Variants in MCCC2 observed in about 807,000 individuals in gnomAD.
MCCC2 encodes the protein methylcrotonoyl-CoA carboxylase beta chain, mitochondrial.
In MCCC2, 52 loss-of-function variants were observed where a neutral mutation model predicts 77.2. That is an observed-to-expected ratio of 0.67 (90% CI 0.54 to 0.85). The LOEUF (loss-of-function observed/expected upper bound fraction) is 0.85. Among genes scored for constraint, MCCC2 ranks in the 40% least tolerant of loss-of-function variants. MCCC2 has a pLI of 0.00. For missense variants in MCCC2, 682 were observed against 703.2 expected (o/e 0.97, Z 0.34); for synonymous variants, 253 against 248.4 (o/e 1.02, Z -0.18).
intron 7 of MCCC2, among the ~76,000 whole-genome samples, chr5:71,630,298 T>C (rs1383001881): frequency 6.6e-6 from 1 of 152,190 alleles, no homozygotes; most frequent in African/African-American, 2.4e-5. Context: ...AAAAAACAGA[T>C]AGTAAGACAA....
intron 6 of MCCC2, among the ~76,000 whole-genome samples, chr5:71,613,265 A>G (rs180867985): frequency 6.6e-6 from 1 of 152,222 alleles, no homozygotes; most frequent in Non-Finnish European, 1.5e-5. Flanking sequence ...CTATTTAAGC[A>G]CTATAGCCCT....
At chr5:71,604,779 T>C (rs1298957247) in intron 6 of MCCC2, among the ~76,000 whole-genome samples, 2 of 148,238 alleles carry the variant, frequency 1.3e-5, no homozygotes, top group Non-Finnish European at 3.0e-5. Context: ...CCCCTTCCTG[T>C]GTCCATGTGA....
intron 6 of MCCC2, among the ~76,000 whole-genome samples, chr5:71,621,952 T>A (rs925048297): frequency 2.6e-5 from 4 of 152,196 alleles, no homozygotes; most frequent in African/African-American, 7.2e-5. Context: ...ATACCCATTC[T>A]TCATGATGTG....
rs1306338509 is a variant in MCCC2, at chr5:71,633,131, A to ATTTTTTTTTTT, written c.803+951_803+952insTTTTTTTTTTT. Among the ~76,000 whole-genome samples the ATTTTTTTTTTT allele has an allele frequency of 1.5e-3, 116 of 78,048 alleles. 2 individuals carry two copies. Among genetic ancestry groups the ATTTTTTTTTTT allele is most frequent in the African/African-American group, 4.3e-3 (84 of 19,742 alleles). 51.2% of individuals were successfully genotyped at this position (78,048 alleles called of 152,430 possible). A position where few individuals can be genotyped will look rare whatever the true frequency, so the allele number is the denominator to read the frequency against. Reference sequence around the variant, plus strand: ...TATATATATATATATATATATATATATTTTTATTTTTTGTAGAAACAGGTG... The same window carrying ATTTTTTTTTTT: ...TATATATATATATATATATATATATATTTTTTTTTTTTTTTTATTTTTTGTAGAAACAGGTG... On this transcript the variant is annotated intron_variant, in intron 8 of 16. Coordinates refer to ENST00000340941, the MANE Select transcript of MCCC2 (RefSeq NM_022132.5).
intron 11 of MCCC2, among the ~76,000 whole-genome samples, chr5:71,643,105 GGGCGTGGT>G (rs1425816075): frequency 6.7e-6 from 1 of 148,698 alleles, no homozygotes; most frequent in Non-Finnish European, 1.5e-5. Flanking sequence ...GATTCAGGCT[GGGCGTGGT>G]GGCTCATGCC....
chr5:71,604,836 G>A (rs1745605440), intron 6 of MCCC2, among the ~76,000 whole-genome samples: 1 of 143,692 alleles, frequency 7.0e-6, no homozygotes, highest in Non-Finnish European at 1.5e-5. Context: ...GCGGTGTTTG[G>A]TTTTTTGTTC....
At chr5:71,651,063 G>C (rs576463935) in intron 15 of MCCC2, among the ~76,000 whole-genome samples, 1 of 152,306 alleles carries the variant, frequency 6.6e-6, no homozygotes, top group South Asian at 2.1e-4. Flanking sequence ...ACAGGTGTGT[G>C]CCACCATGCC....
intron 6 of MCCC2, among the ~76,000 whole-genome samples, chr5:71,611,229 T>A (rs1745928077): frequency 1.3e-5 from 2 of 152,040 alleles, no homozygotes; most frequent in Admixed American, 6.6e-5. Flanking sequence ...AGGGAGACCC[T>A]GTCTCTACAA....
In MCCC2 at chr5:71,611,889, C is replaced by T. The variant is rs1046723063; in HGVS notation, c.624+7421C>T. Among the ~76,000 whole-genome samples, 23 of 151,186 alleles carry T rather than the reference C, an allele frequency of 1.5e-4. 1 individual carries two copies. Among genetic ancestry groups the T allele is most frequent in the Admixed American group, 8.6e-4 (13 of 15,164 alleles). On this transcript the variant is annotated intron_variant, in intron 6 of 16. Transcript: ENST00000340941. ...CTGCAAACTTTGCCTCCCGGGTTCA[C>T]GCTATTCTCCTGCCTCAGCCTCCTG...
intron 6 of MCCC2, among the ~76,000 whole-genome samples, chr5:71,618,602 G>C (rs1478117708): frequency 6.8e-6 from 1 of 146,602 alleles, no homozygotes; most frequent in Non-Finnish European, 1.5e-5. Flanking sequence ...GCTCAGGCTG[G>C]TCTTGAACTC....
intron 1 of MCCC2, among the ~76,000 whole-genome samples, chr5:71,589,442 C>A (rs1010364189): frequency 1.3e-5 from 2 of 152,242 alleles, no homozygotes; most frequent in Non-Finnish European, 2.9e-5. Context: ...CAGGTCTGCT[C>A]CATGTGTCTT....
At chr5:71,590,636 G>A (rs534513732) in intron 1 of MCCC2, among the ~76,000 whole-genome samples, 2 of 152,136 alleles carry the variant, frequency 1.3e-5, no homozygotes, top group South Asian at 4.2e-4. Context: ...GGCCAACATG[G>A]TGAAACCCTG....
intron 6 of MCCC2, among the ~76,000 whole-genome samples, chr5:71,604,738 C>A (rs937124213): frequency 1.3e-5 from 2 of 151,680 alleles, no homozygotes; most frequent in African/African-American, 2.4e-5. Context: ...CCGCTCCCCC[C>A]ACCCCACCAC....
intron 13 of MCCC2, among the ~76,000 whole-genome samples, chr5:71,646,657 G>A (rs187804084): frequency 5.3e-5 from 8 of 152,204 alleles, no homozygotes; most frequent in Admixed American, 3.9e-4. Context: ...TGAGCCACGA[G>A]CCACCACACC....
chr5:71,611,793 C>CTT (rs561604734), intron 6 of MCCC2, among the ~76,000 whole-genome samples: 1 of 141,552 alleles, frequency 7.1e-6, no homozygotes, highest in Non-Finnish European at 1.6e-5. Flanking sequence ...CTTTTTTTTT[C>CTT]TTTTTTTTTT....
Position 71,602,530 on chromosome 5 carries a change from T to A in MCCC2, c.408T>A (p.Asn136Lys). Residue 136 changes from asparagine to lysine, a missense_variant, in exon 5 of 17, where the codon AAT (asparagine) becomes AAA (lysine). Asn to Lys is a moderately conservative substitution (Grantham distance 94). Transcript: ENST00000340941. ...GAGTAGAATGCATGATTATTGCCAA[T>A]GATGCCACCGTCAAAGGAGGTGCCT... ...VSGVECMIIA[N>K]DATVKGGAYY... is the part of the protein sequence containing the mutation. 6.2e-7 allele frequency: 1 copy of A among 1,614,150 alleles called. No homozygotes were observed. Among genetic ancestry groups the A allele is most frequent in the Non-Finnish European group, 8.5e-7 (1 of 1,180,032 alleles).
At chr5:71,652,577 C>G in intron 15 of MCCC2, 92 bp from the exon 16 acceptor site, 1 of 937,336 alleles carries the variant, frequency 1.1e-6, no homozygotes, top group South Asian at 1.4e-5. Flanking sequence ...CATTATTATT[C>G]ATGACATCTG....
intron 6 of MCCC2, among the ~76,000 whole-genome samples, chr5:71,617,811 A>G (rs1027421757): frequency 1.3e-5 from 2 of 152,154 alleles, no homozygotes; most frequent in African/African-American, 4.8e-5. Context: ...TAGTTATTTC[A>G]AAGAGTATGT....
intron 13 of MCCC2, among the ~76,000 whole-genome samples, chr5:71,646,512 C>A (rs1747279082): frequency 6.6e-6 from 1 of 152,152 alleles, no homozygotes; most frequent in African/African-American, 2.4e-5. Flanking sequence ...CAGGCATGTG[C>A]CACCATGCCT....
Sources: allele counts gnomAD v4.1 joint callset (sites outside exome capture counted in the v4.1 genomes callset), GRCh38; gene constraint gnomAD v4.1.1; transcripts MANE v1.5; gene names NCBI Gene and HGNC (gene_info 2026-07-23, HGNC 2026-07-21).